The following ITIH5 variants were observed in gnomAD, a reference collection of about 807,000 sequenced individuals.
The protein encoded by ITIH5 is inter-alpha-trypsin inhibitor heavy chain H5.
ITIH5 carries 65 observed loss-of-function variants against 77.5 expected under a neutral mutation model. The observed-to-expected ratio is 0.84, with a 90% CI of 0.69 to 1.03. ITIH5 has a LOEUF of 1.03. Ranked by LOEUF, ITIH5 falls within the 50% of genes least tolerant of loss-of-function variation. ITIH5 has a pLI of 0.00. For missense variants in ITIH5, 1,208 were observed against 1,213.1 expected, an observed-to-expected ratio of 1.00 and a Z score of 0.06; for synonymous variants, 525 against 494.3, an observed-to-expected ratio of 1.06 and a Z score of -0.82.
chr10:7,606,269 T>A (rs111402616), intron 7 of ITIH5, among the ~76,000 whole-genome samples: 3,623 of 152,244 alleles, frequency 0.024, 146 homozygotes, highest in African/African-American at 0.082. Context: ...CCCAAAGGAA[T>A]AGAAATCATT....
chr10:7,620,840 G>T (rs1833463345), intron 5 of ITIH5: 1 of 151,888 alleles, frequency 6.6e-6, no homozygotes, highest in East Asian at 1.9e-4. Context: ...CCCTAAGAAA[G>T]CTGTCCTGTT....
At chr10:7,629,755 C>T (rs1833683133) in intron 5 of ITIH5, among the ~76,000 whole-genome samples, 1 of 152,258 alleles carries the variant, frequency 6.6e-6, no homozygotes, top group Admixed American at 6.5e-5. Flanking sequence ...CACTTTGGGG[C>T]TACTGTGAAT....
intron 9 of ITIH5, among the ~76,000 whole-genome samples, chr10:7,579,487 T>C (rs1832494649): frequency 1.3e-5 from 2 of 151,664 alleles, no homozygotes. Context: ...ATCACGCCAT[T>C]GCATTGCAGC....
chr10:7,636,759 TA>T (rs990401202), intron 5 of ITIH5, among the ~76,000 whole-genome samples: 139 of 149,020 alleles, frequency 9.3e-4, no homozygotes, highest in African/African-American at 2.9e-3. Flanking sequence ...TTATTTTTAA[TA>T]AAAAAAAAAT....
At chr10:7,621,415 G>C (rs1037906750) in intron 5 of ITIH5, 1 of 152,172 alleles carries the variant, frequency 6.6e-6, no homozygotes, top group Non-Finnish European at 1.5e-5. Flanking sequence ...GAAGGATACT[G>C]TATGATTATT....
In ITIH5 at chr10:7,666,797, A is replaced by G. The variant is rs534776627; in HGVS notation, c.90+6T>C. ...CCGGGACCCGGCTCCCCTCGGCTCC[A>G]CTTACCTGCTCCGAAGAGTGGCCCC... On this transcript the variant is annotated splice_donor_region_variant and intron_variant, in intron 1 of 13. Transcript: ENST00000397146. The G allele has an allele frequency of 3.7e-6, 6 of 1,603,890 alleles. No homozygotes were observed. The East Asian group carries it at 1.4e-4, about 36-fold the overall frequency.
chr10:7,636,736 C>T (rs1476682483), intron 5 of ITIH5, among the ~76,000 whole-genome samples: 9 of 152,062 alleles, frequency 5.9e-5, no homozygotes, highest in Non-Finnish European at 1.0e-4. Flanking sequence ...CCTGTTACAG[C>T]ATGGGCTGTA....
chr10:7,615,418 A>G (rs979984893), intron 7 of ITIH5, among the ~76,000 whole-genome samples: 5 of 152,236 alleles, frequency 3.3e-5, no homozygotes, highest in Non-Finnish European at 1.5e-5. Context: ...CATTTATGAT[A>G]GCAGAATAAG....
chr10:7,563,119 C>T lies in ITIH5; in HGVS notation c.2793G>A (p.Gly931=), dbSNP rs1047442457. The T allele has an allele frequency of 7.4e-6, 12 of 1,613,806 alleles. No homozygotes were observed. The highest frequency in any genetic ancestry group is 5.0e-5 in the Admixed American group (3 of 59,996). The stretch of plus-strand genomic sequence containing the variant: ...TGGACATTCCCCGGCCAAGTGTCAT[C>T]CCTGTGTCAAATGGATGGGATGCCA... ...DYLASHPFDT[G]MTLGRGMSRE... is the part of the protein sequence containing the mutation. The change falls in exon 14 of 14, where the codon GGG becomes GGA. Residue 931 remains glycine, a synonymous_variant. Transcript: ENST00000397146.
intron 5 of ITIH5, among the ~76,000 whole-genome samples, chr10:7,630,040 T>C (rs1833688255): frequency 6.6e-6 from 1 of 152,232 alleles, no homozygotes; most frequent in Non-Finnish European, 1.5e-5. Flanking sequence ...TAAACGTCTA[T>C]AAGTAATTTA....
intron 2 of ITIH5, among the ~76,000 whole-genome samples, chr10:7,644,490 T>C (rs573021557): frequency 1.5e-5 from 2 of 132,234 alleles, no homozygotes; most frequent in African/African-American, 5.8e-5. Flanking sequence ...ATCACATATA[T>C]ATCATAATCA....
In ITIH5 at chr10:7,640,816, C is replaced by G; in HGVS notation, c.339G>C (p.Glu113Asp). The G allele has an allele frequency of 6.2e-7, 1 of 1,613,494 alleles. No individual in the cohort carries two copies. The highest frequency in any genetic ancestry group is 2.2e-5 in the East Asian group (1 of 44,874). Residue 113 changes from glutamate (E) to aspartate (D), a missense_variant, in exon 4 of 14, where the codon GAG becomes GAC. Glu to Asp is a conservative substitution (Grantham distance 45). Transcript: ENST00000397146. Reference sequence around the variant, plus strand: ...CCCTATCACCACTCTTCTTTTCTCTCTCTGTAATTTCGCCCTGATACACCT... The same window carrying G: ...CCCTATCACCACTCTTCTTTTCTCTGTCTGTAATTTCGCCCTGATACACCT... ...GDKVYQGEIT[E>D]REKKSGDRVK...
intron 8 of ITIH5, among the ~76,000 whole-genome samples, chr10:7,582,191 T>A (rs543029397): frequency 3.3e-5 from 5 of 152,284 alleles, no homozygotes; most frequent in Non-Finnish European, 7.4e-5. Context: ...TTCTTAAATT[T>A]ACTACTTTAT....
intron 5 of ITIH5, among the ~76,000 whole-genome samples, chr10:7,625,257 C>G (rs888467588): frequency 6.6e-6 from 1 of 152,050 alleles, no homozygotes; most frequent in Non-Finnish European, 1.5e-5. Flanking sequence ...CACAAAAGAA[C>G]AGATACTGTA....
rs143371871 is a variant in ITIH5, at chr10:7,664,378, C to T, written c.90+2425G>A. Among the ~76,000 whole-genome samples the T allele has an allele frequency of 8.8e-4, 127 of 143,904 alleles. 1 individual carries two copies. In the East Asian group the frequency reaches 0.02, roughly 23 times the overall value. 94.4% of individuals were successfully genotyped at this position (143,904 alleles called of 152,430 possible). A position where few individuals can be genotyped will look rare whatever the true frequency, so the allele number is the denominator to read the frequency against. ...GCCTGCCACTGCACTCCAGCCTGGG[C>T]GACACAGCGAGATTCCGTCTCAAAA... On this transcript the variant is annotated intron_variant, in intron 1 of 13. Transcript: ENST00000397146.
chr10:7,600,418 T>C, intron 7 of ITIH5: 1 of 409,748 alleles, frequency 2.4e-6, no homozygotes, highest in Non-Finnish European at 4.8e-6. Flanking sequence ...AACTGTCTCC[T>C]GAACATCTCT....
chr10:7,605,913 G>C (rs1473673440), intron 7 of ITIH5, among the ~76,000 whole-genome samples: 1 of 152,202 alleles, frequency 6.6e-6, no homozygotes, highest in African/African-American at 2.4e-5. Flanking sequence ...AAACCAGAAA[G>C]GAGGAAACTA....
At chr10:7,662,766 G>T (rs57418188) in intron 1 of ITIH5, among the ~76,000 whole-genome samples, 3 of 152,152 alleles carry the variant, frequency 2.0e-5, no homozygotes, top group South Asian at 2.1e-4. Context: ...TACTCCTTCC[G>T]CACTCTGCCC....
chr10:7,655,577 A>G (rs910777954), intron 2 of ITIH5, 54 bp downstream of exon 2: 2 of 1,436,672 alleles, frequency 1.4e-6, no homozygotes, highest in Non-Finnish European at 2.0e-6. Flanking sequence ...CTGGTTCAAA[A>G]TAAATAGAAG....
Sources: gnomAD v4.1 joint callset for allele counts (sites outside exome capture counted in the v4.1 genomes callset) on GRCh38, gnomAD v4.1.1 for gene constraint, MANE v1.5 for transcripts, NCBI Gene and HGNC (gene_info 2026-07-23, HGNC 2026-07-21) for gene names.